Variants in TUFT1 observed in about 807,000 individuals in gnomAD.
TUFT1 encodes tuftelin 1.
TUFT1 carries 43 observed loss-of-function variants against 57.8 expected under a neutral mutation model. That is an observed-to-expected ratio of 0.74 (90% CI 0.58 to 0.96). The LOEUF (loss-of-function observed/expected upper bound fraction) is 0.96, where lower values mean the gene tolerates loss of function less well. TUFT1 is among the 40% of genes least tolerant of loss of function. The pLI, the probability that TUFT1 is intolerant of heterozygous loss-of-function variation, is 0.00. For missense variants in TUFT1, 459 were observed against 489.0 expected (o/e 0.94, Z 0.58); for synonymous variants, 166 against 176.7 (o/e 0.94, Z 0.48).
At chr1:151,555,463 CTT>C (rs397981559) in intron 1 of TUFT1, among the ~76,000 whole-genome samples, 14 of 141,670 alleles carry the variant, frequency 9.9e-5, no homozygotes, top group Admixed American at 1.4e-4. Context: ...ATATTAATTC[CTT>C]TTTTTTTTTT....
chr1:151,563,883 T>C (rs756724639), intron 3 of TUFT1, 21 bp from the exon 4 acceptor site: 7 of 1,606,830 alleles, frequency 4.4e-6, no homozygotes, highest in Middle Eastern at 3.3e-4. Context: ...GTTTCTTAAC[T>C]AAATGGTGTT....
chr1:151,562,554 C>CTG, intron 2 of TUFT1, 31 bp from the exon 3 acceptor site: 1 of 1,562,080 alleles, frequency 6.4e-7, no homozygotes, highest in Non-Finnish European at 8.8e-7. Context: ...ATCTCTCTCT[C>CTG]TCTCTCTCTC....
chr1:151,575,012 G>A lies in TUFT1; in HGVS notation c.818+7G>A, dbSNP rs771845664. On this transcript the variant is annotated splice_region_variant and intron_variant, in intron 9 of 12. Coordinates refer to ENST00000368849, the MANE Select transcript of TUFT1 (RefSeq NM_020127.3). ...GCCAAGCAGAACGAGAAAAGTAAGG[G>A]CTTGGCTCTTGTTCACGGTGAAGTT... The A allele has an allele frequency of 3.7e-5, 58 of 1,555,548 alleles. No homozygotes were observed. The East Asian group carries it at 1.4e-3, about 36-fold the overall frequency.
At chr1:151,576,098 A>T (rs150545101) in intron 9 of TUFT1, among the ~76,000 whole-genome samples, 1 of 152,234 alleles carries the variant, frequency 6.6e-6, no homozygotes, top group East Asian at 1.9e-4. Flanking sequence ...TTTTCTACCT[A>T]AAAGGAGACT....
intron 7 of TUFT1, 125 bp from the exon 8 acceptor site, chr1:151,574,145 G>C: frequency 8.3e-7 from 1 of 1,202,530 alleles, no homozygotes; most frequent in Non-Finnish European, 1.2e-6. Flanking sequence ...GAGCCCATCA[G>C]TGTCACCACC....
chr1:151,564,698 G>A, intron 5 of TUFT1, 84 bp downstream of exon 5: 2 of 1,145,056 alleles, frequency 1.7e-6, no homozygotes, highest in South Asian at 2.6e-5. Context: ...TACCCAGTGT[G>A]TGCTAAATCT....
chr1:151,581,553 G>A (rs1666646201), intron 12 of TUFT1, 91 bp from the exon 13 acceptor site: 1 of 1,290,128 alleles, frequency 7.8e-7, no homozygotes, highest in African/African-American at 1.5e-5. Flanking sequence ...AGATTCCAGA[G>A]GCCAATGTGA....
chr1:151,574,613 T>A (rs1399250419), intron 8 of TUFT1, among the ~76,000 whole-genome samples: 1 of 152,230 alleles, frequency 6.6e-6, no homozygotes, highest in African/African-American at 2.4e-5. Context: ...ATTAGATTCC[T>A]GTACAGATGC....
chr1:151,542,520 C>T (rs1665202340), intron 1 of TUFT1, among the ~76,000 whole-genome samples: 1 of 152,100 alleles, frequency 6.6e-6, no homozygotes, highest in Non-Finnish European at 1.5e-5. Flanking sequence ...GCATGAGCCA[C>T]TACATCTGGC....
chr1:151,562,446 G>A (rs1322661199), intron 2 of TUFT1, 139 bp from the exon 3 acceptor site: 5 of 782,322 alleles, frequency 6.4e-6, no homozygotes, highest in African/African-American at 1.7e-5. Flanking sequence ...AATTTTTGGA[G>A]AGGAAAGTCA....
chr1:151,579,186 G>A (rs1204682107), intron 10 of TUFT1, among the ~76,000 whole-genome samples: 2 of 152,162 alleles, frequency 1.3e-5, no homozygotes, highest in Non-Finnish European at 2.9e-5. Context: ...CCCCACCTGA[G>A]CTTGAGGGTA....
At chr1:151,557,994 A>C (rs1476996827) in intron 1 of TUFT1, 3 of 460,800 alleles carry the variant, frequency 6.5e-6, no homozygotes, top group Non-Finnish European at 1.2e-5. Context: ...AAACTTAAAA[A>C]AAAAAAAAGA....
rs1294618578 is a variant in TUFT1, at chr1:151,582,244, G to A, written c.*537G>A. ...CTGGCCTCCTGCAGACAGATAGTGG[G>A]GTTACCTGGCAAGGCCTGGTGAGAG... On this transcript the variant is annotated 3_prime_UTR_variant, in exon 13 of 13. Coordinates refer to ENST00000368849, the MANE Select transcript of TUFT1 (RefSeq NM_020127.3). The A allele has an allele frequency of 2.2e-6, 1 of 455,730 alleles. No individual in the cohort carries two copies. The highest frequency in any genetic ancestry group is 1.5e-5 in the South Asian group (1 of 64,534). 28.2% of individuals were successfully genotyped at this position (455,730 alleles called of 1,614,324 possible).
chr1:151,564,786 C>A, intron 5 of TUFT1, 172 bp downstream of exon 5: 1 of 574,996 alleles, frequency 1.7e-6, no homozygotes, highest in Non-Finnish European at 3.1e-6. Context: ...TAGGACTCTC[C>A]AGCCGATGAG....
intron 9 of TUFT1, among the ~76,000 whole-genome samples, chr1:151,575,925 C>T (rs1666446041): frequency 6.6e-6 from 1 of 152,134 alleles, no homozygotes; most frequent in Non-Finnish European, 1.5e-5. Context: ...ATTGTAGCCT[C>T]CTTTCTGACT....
chr1:151,562,729 T>C (rs1410152209), intron 3 of TUFT1, 43 bp downstream of exon 3: 13 of 1,519,038 alleles, frequency 8.6e-6, no homozygotes, highest in Admixed American at 1.7e-5. Flanking sequence ...GTCCTCTTCC[T>C]CCCTGCACGT....
intron 9 of TUFT1, among the ~76,000 whole-genome samples, chr1:151,577,013 A>G (rs1420298534): frequency 2.6e-5 from 4 of 152,090 alleles, no homozygotes; most frequent in African/African-American, 9.7e-5. Flanking sequence ...GGCTCAAGCA[A>G]TCCTCCCACC....
intron 1 of TUFT1, among the ~76,000 whole-genome samples, chr1:151,558,838 G>A (rs993650195): frequency 2.0e-5 from 3 of 150,930 alleles, no homozygotes; most frequent in Non-Finnish European, 4.4e-5. Context: ...AGGCGGGAGT[G>A]CAGTGGTATG....
At chr1:151,547,995 C>T (rs866466969) in intron 1 of TUFT1, among the ~76,000 whole-genome samples, 5 of 152,158 alleles carry the variant, frequency 3.3e-5, no homozygotes, top group African/African-American at 1.2e-4. Context: ...GGTAGGCAGC[C>T]ACATAAAAAT....
Sources: allele counts gnomAD v4.1 joint callset (sites outside exome capture counted in the v4.1 genomes callset), GRCh38; gene constraint gnomAD v4.1.1; transcripts MANE v1.5; gene names NCBI Gene and HGNC (gene_info 2026-07-23, HGNC 2026-07-21).